ATF4: variants seen among roughly 807,000 people sequenced by gnomAD.
ATF4 encodes the protein activating transcription factor 4, also known as cyclic AMP-dependent transcription factor ATF-4.
A neutral mutation model predicts 21.0 loss-of-function variants in ATF4; 8 were observed. The ratio of observed to expected loss-of-function variants is 0.38; its 90% CI spans 0.22 to 0.69. ATF4 has a LOEUF of 0.69. ATF4 is among the 30% of genes least tolerant of loss of function. The pLI is 0.49. For synonymous variants in ATF4, 241 were observed against 166.4 expected (o/e 1.45, Z -3.45); for missense variants, 549 against 425.9 (o/e 1.29, Z -2.54).
At position 39,522,401 on chromosome 22, in the gene ATF4, G is replaced by A; in HGVS notation, c.855G>A (p.Met285Ile). ...GEKLDKKLKK[M>I]EQNKTAATRY... ...AACTGGATAAGAAGCTGAAAAAAAT[G>A]GAGCAAAACAAGACAGCAGCCACTA... The change falls in exon 3 of 3, where the codon ATG (methionine) becomes ATA (isoleucine). Residue 285 changes from methionine to isoleucine, a missense_variant. Met to Ile is a conservative substitution (Grantham distance 10). Coordinates refer to ENST00000674920, the MANE Select transcript of ATF4 (RefSeq NM_182810.3). 2.5e-6 allele frequency: 4 copies of A among 1,613,060 alleles called. No homozygotes were observed. The highest frequency in any genetic ancestry group is 3.4e-6 in the Non-Finnish European group (4 of 1,179,488).
Position 39,522,501 on chromosome 22 carries a change from G to T in ATF4, c.955G>T (p.Ala319Ser), listed in dbSNP as rs1323684422. 3 of 1,612,174 alleles carry T rather than the reference G, an allele frequency of 1.9e-6. No homozygotes were observed. Among genetic ancestry groups the T allele is most frequent in the Non-Finnish European group, 2.5e-6 (3 of 1,179,296 alleles). The change falls in exon 3 of 3, where the codon GCT becomes TCT. Residue 319 changes from alanine (A) to serine (S), a missense_variant. By Grantham distance (99) the Ala-to-Ser change is moderately conservative. Coordinates refer to ENST00000674920, the MANE Select transcript of ATF4 (RefSeq NM_182810.3). Reference sequence around the variant, plus strand: ...CAAAGAGCTGGAAAAGAAGAACGAGGCTCTAAAAGAGAGGGCGGATTCCCT... The same window carrying T: ...CAAAGAGCTGGAAAAGAAGAACGAGTCTCTAAAAGAGAGGGCGGATTCCCT... Reference protein sequence around the residue: ...ECKELEKKNEALKERADSLAK... With the variant: ...ECKELEKKNESLKERADSLAK...
Position 39,522,009 on chromosome 22 carries a change from G to T in ATF4, c.463G>T (p.Ala155Ser). 6.2e-7 allele frequency: 1 copy of T among 1,613,654 alleles called. No homozygotes were observed. Among genetic ancestry groups the T allele is most frequent in the Middle Eastern group, 1.7e-4 (1 of 6,056 alleles). The change falls in exon 3 of 3, where the codon GCC becomes TCC. Residue 155 changes from alanine to serine, a missense_variant. Physicochemically the swap from Ala to Ser is moderately conservative, Grantham distance 99. Transcript: ENST00000674920. ...AAGTTTAACAAAACCCGACCAGGTT[G>T]CCCCCTTCACCTTCTTACAACCTCT... Reference protein sequence around the residue: ...PESLTKPDQVAPFTFLQPLPL... With the variant: ...PESLTKPDQVSPFTFLQPLPL...
intron 1 of ATF4, 105 bp from the exon 2 acceptor site, chr22:39,521,249 A>G (rs1434273674): frequency 1.5e-5 from 7 of 477,814 alleles, no homozygotes; most frequent in Admixed American, 3.8e-5. Context: ...CCTGTTCCCG[A>G]TTCTCTAGAT....
chr22:39,521,711 G>A (rs1214905480), intron 2 of ATF4, 40 bp downstream of exon 2: 2 of 1,609,958 alleles, frequency 1.2e-6, no homozygotes, highest in Non-Finnish European at 1.7e-6. Context: ...TGGGATCTAG[G>A]GTTAGGGGCC....
In ATF4 at chr22:39,522,608, G is replaced by A. The variant is rs1931040182; in HGVS notation, c.*6G>A. The stretch of plus-strand genomic sequence containing the variant: ...GGAAGAAAAGGGTCCCCTAGTTGAG[G>A]ATAGTCAGGAGCGTCAATGTGCTTG... On this transcript the variant is annotated 3_prime_UTR_variant, in exon 3 of 3. Transcript: ENST00000674920. 2.6e-6 allele frequency: 4 copies of A among 1,529,002 alleles called. No homozygotes were observed. The East Asian group carries it at 6.8e-5, about 26-fold the overall frequency. The allele number at this position is 1,529,002 out of a possible 1,614,324, so 94.7% of individuals were successfully genotyped here. A position where few individuals can be genotyped will look rare whatever the true frequency, so the allele number is the denominator to read the frequency against.
At chr22:39,521,332 T>G (rs1299058967) in intron 1 of ATF4, 22 bp from the exon 2 acceptor site, 5 of 874,374 alleles carry the variant, frequency 5.7e-6, no homozygotes, top group Non-Finnish European at 7.1e-6. Context: ...CTAATGGGAG[T>G]TGGCTTCTGA....
chr22:39,522,415 C>G lies in ATF4; in HGVS notation c.869C>G (p.Thr290Arg). ...KKLKKMEQNK[T>R]AATRYRQKKR... The stretch of plus-strand genomic sequence containing the variant: ...CTGAAAAAAATGGAGCAAAACAAGA[C>G]AGCAGCCACTAGGTACCGCCAGAAG... Residue 290 changes from threonine to arginine, a missense_variant, in exon 3 of 3, where the codon ACA (threonine) becomes AGA (arginine). By Grantham distance (71) the Thr-to-Arg change is moderately conservative. Transcript: ENST00000674920. 6.2e-7 allele frequency: 1 copy of G among 1,613,316 alleles called. No individual in the cohort carries two copies. The highest frequency in any genetic ancestry group is 8.5e-7 in the Non-Finnish European group (1 of 1,179,608).
rs773948133 is a variant in ATF4 at position 39,522,508 on chromosome 22, A to G, written c.962A>G (p.Lys321Arg). The change falls in exon 3 of 3, where the codon AAA becomes AGA. Residue 321 changes from lysine (K) to arginine (R), a missense_variant. Transcript: ENST00000674920. ...KELEKKNEAL[K>R]ERADSLAKEI... ...CTGGAAAAGAAGAACGAGGCTCTAA[A>G]AGAGAGGGCGGATTCCCTGGCCAAG... The G allele has an allele frequency of 6.2e-7, 1 of 1,611,818 alleles. No homozygotes were observed. The highest frequency in any genetic ancestry group is 8.5e-7 in the Non-Finnish European group (1 of 1,178,994).
Position 39,522,305 on chromosome 22 carries a change from T to G in ATF4, c.759T>G (p.Cys253Trp). 6.2e-7 allele frequency: 1 copy of G among 1,611,728 alleles called. No individual in the cohort carries two copies. ...GCCTCCCATCTCCAGGTGTTCTCTG[T>G]GGGTCTGCCCGTCCCAAACCTTACG... ...NRSLPSPGVLCGSARPKPYDP... is the reference protein window; with the variant it reads ...NRSLPSPGVLWGSARPKPYDP... Residue 253 changes from cysteine to tryptophan, a missense_variant, in exon 3 of 3, where the codon TGT becomes TGG. Coordinates refer to ENST00000674920, the MANE Select transcript of ATF4 (RefSeq NM_182810.3).
In ATF4 at chr22:39,522,214, T is replaced by C; in HGVS notation, c.668T>C (p.Met223Thr). The part of the protein sequence containing the change: ...TPSDNDSGIC[M>T]SPESYLGSPQ... Reference sequence around the variant, plus strand: ...TCAGATAATGATAGTGGCATCTGTATGAGCCCAGAGTCCTATCTGGGGTCT... The same window carrying C: ...TCAGATAATGATAGTGGCATCTGTACGAGCCCAGAGTCCTATCTGGGGTCT... The change falls in exon 3 of 3, where the codon ATG becomes ACG. Residue 223 changes from methionine (M) to threonine (T), a missense_variant. Transcript: ENST00000674920. The C allele has an allele frequency of 6.2e-7, 1 of 1,610,426 alleles. No individual in the cohort carries two copies. Among genetic ancestry groups the C allele is most frequent in the Non-Finnish European group, 8.5e-7 (1 of 1,177,744 alleles).
Position 39,522,527 on chromosome 22 carries a change from G to C in ATF4, c.981G>C (p.Leu327=), listed in dbSNP as rs765638221. Residue 327 remains leucine, a synonymous_variant, in exon 3 of 3, where the codon CTG becomes CTC. Transcript: ENST00000674920. ...CTCTAAAAGAGAGGGCGGATTCCCT[G>C]GCCAAGGAGATCCAGTACCTGAAAG... ...NEALKERADS[L]AKEIQYLKDL... is the part of the protein sequence containing the mutation. 1.6e-5 allele frequency: 26 copies of C among 1,603,184 alleles called. No individual in the cohort carries two copies. The highest frequency in any genetic ancestry group is 2.0e-5 in the Non-Finnish European group (24 of 1,175,670).
In ATF4 at chr22:39,521,522, G is replaced by T. The variant is rs1226726106; in HGVS notation, c.77G>T (p.Gly26Val). The T allele has an allele frequency of 6.2e-7, 1 of 1,610,588 alleles. No homozygotes were observed. The highest frequency in any genetic ancestry group is 1.7e-5 in the Admixed American group (1 of 59,868). Residue 26 changes from glycine to valine, a missense_variant, in exon 2 of 3, where the codon GGG becomes GTG. Gly to Val is a moderately radical substitution (Grantham distance 109, BLOSUM62 -3). Transcript: ENST00000674920. Reference sequence around the variant, plus strand: ...TCCCCCTTCGACCAGTCGGGTTTGGGGGCTGAAGAAAGCCTAGGTCTCTTA... The same window carrying T: ...TCCCCCTTCGACCAGTCGGGTTTGGTGGCTGAAGAAAGCCTAGGTCTCTTA... The part of the protein sequence containing the change: ...LMSPFDQSGL[G>V]AEESLGLLDD...
chr22:39,522,569 C>T lies in ATF4; in HGVS notation c.1023C>T (p.Val341=). The T allele has an allele frequency of 1.3e-6, 2 of 1,556,922 alleles. No individual in the cohort carries two copies. Among genetic ancestry groups the T allele is most frequent in the Non-Finnish European group, 1.7e-6 (2 of 1,156,202 alleles). Residue 341 remains valine (V), a synonymous_variant, in exon 3 of 3, where the codon GTC becomes GTT. Coordinates refer to ENST00000674920, the MANE Select transcript of ATF4 (RefSeq NM_182810.3). ...ACCTGAAAGATTTGATAGAAGAGGT[C>T]CGCAAGGCAAGGGGGAAGAAAAGGG... is the stretch of plus-strand genomic sequence containing the variant. The part of the protein sequence containing the change: ...IQYLKDLIEE[V]RKARGKKRVP
At position 39,521,541 on chromosome 22, in the gene ATF4, T is replaced by G; in HGVS notation, c.96T>G (p.Gly32=). 1.2e-6 allele frequency: 2 copies of G among 1,612,578 alleles called. No homozygotes were observed. The highest frequency in any genetic ancestry group is 1.7e-6 in the Non-Finnish European group (2 of 1,179,748). The change falls in exon 2 of 3, where the codon GGT becomes GGG. Residue 32 remains glycine, a synonymous_variant. Transcript: ENST00000674920. ...QSGLGAEESL[G]LLDDYLEVAK... is the part of the protein sequence containing the mutation. ...GTTTGGGGGCTGAAGAAAGCCTAGG[T>G]CTCTTAGATGATTACCTGGAGGTGG...
Position 39,522,186 on chromosome 22 carries a change from C to CTT in ATF4, c.640_641insTT (p.Pro214LeufsTer11), listed in dbSNP as rs1569026462. 6.2e-7 allele frequency: 1 copy of CTT among 1,611,890 alleles called. No homozygotes were observed. Among genetic ancestry groups the CTT allele is most frequent in the Non-Finnish European group, 8.5e-7 (1 of 1,178,564 alleles). On this transcript the variant is annotated frameshift_variant, in exon 3 of 3. Transcript: ENST00000674920. LOFTEE classifies it high-confidence loss of function. ...TCAGTGCATAAAGGAGGAAGACACC[C>CTT]CTTCAGATAATGATAGTGGCATCTG...
rs761885223 is a variant in ATF4, at chr22:39,522,525, C to T, written c.979C>T (p.Leu327=). Residue 327 remains leucine, a synonymous_variant, in exon 3 of 3, where the codon CTG becomes TTG. Coordinates refer to ENST00000674920, the MANE Select transcript of ATF4 (RefSeq NM_182810.3). ...GGCTCTAAAAGAGAGGGCGGATTCCCTGGCCAAGGAGATCCAGTACCTGAA... is the reference window on the plus strand; with the variant it reads ...GGCTCTAAAAGAGAGGGCGGATTCCTTGGCCAAGGAGATCCAGTACCTGAA... The part of the protein sequence containing the change: ...NEALKERADS[L]AKEIQYLKDL... 6 of 1,606,652 alleles carry T rather than the reference C, an allele frequency of 3.7e-6. 1 individual carries two copies. The highest frequency in any genetic ancestry group is 3.3e-4 in the Middle Eastern group (2 of 6,020).
rs1930921683 is a variant in ATF4 at position 39,521,228 on chromosome 22, A to G, written c.-92-126A>G. ...CCTGAGTTGCAAGCAGGGAGGGGCA[A>G]ATACAACTGCCCTGTTCCCGATTCT... On this transcript the variant is annotated intron_variant, in intron 1 of 2. Coordinates refer to ENST00000674920, the MANE Select transcript of ATF4 (RefSeq NM_182810.3). 5.2e-5 allele frequency: 20 copies of G among 387,018 alleles called. No homozygotes were observed. In the East Asian group the frequency reaches 8.0e-4, roughly 15 times the overall value. The allele number at this position is 387,018 out of a possible 1,614,324, so 24.0% of individuals were successfully genotyped here. A position where few individuals can be genotyped will look rare whatever the true frequency, so the allele number is the denominator to read the frequency against.
chr22:39,522,327 T>G lies in ATF4; in HGVS notation c.781T>G (p.Tyr261Asp). The G allele has an allele frequency of 6.2e-7, 1 of 1,612,376 alleles. No individual in the cohort carries two copies. The highest frequency in any genetic ancestry group is 8.5e-7 in the Non-Finnish European group (1 of 1,179,350). The change falls in exon 3 of 3, where the codon TAC (tyrosine) becomes GAC (aspartate). Residue 261 changes from tyrosine to aspartate, a missense_variant. By Grantham distance (160) the Tyr-to-Asp change is radical. Transcript: ENST00000674920. ...CTGTGGGTCTGCCCGTCCCAAACCT[T>G]ACGATCCTCCTGGAGAGAAGATGGT... The part of the protein sequence containing the change: ...VLCGSARPKP[Y>D]DPPGEKMVAA...
At position 39,522,348 on chromosome 22, in the gene ATF4, A is replaced by G. The variant is rs1383483026; in HGVS notation, c.802A>G (p.Met268Val). 17 of 1,612,882 alleles carry G rather than the reference A, an allele frequency of 1.1e-5. No individual in the cohort carries two copies. Among genetic ancestry groups the G allele is most frequent in the Non-Finnish European group, 1.4e-5 (16 of 1,179,510 alleles). Residue 268 changes from methionine (M) to valine (V), a missense_variant, in exon 3 of 3, where the codon ATG becomes GTG. Physicochemically the swap from Met to Val is conservative, Grantham distance 21 (BLOSUM62 1). Coordinates refer to ENST00000674920, the MANE Select transcript of ATF4 (RefSeq NM_182810.3). The stretch of plus-strand genomic sequence containing the variant: ...ACCTTACGATCCTCCTGGAGAGAAG[A>G]TGGTAGCAGCAAAAGTAAAGGGTGA... ...PKPYDPPGEKMVAAKVKGEKL... is the reference protein window; with the variant it reads ...PKPYDPPGEKVVAAKVKGEKL...
Sources: gnomAD v4.1 joint callset for allele counts on GRCh38, gnomAD v4.1.1 for gene constraint, MANE v1.5 for transcripts, NCBI Gene and HGNC (gene_info 2026-07-23, HGNC 2026-07-21) for gene names.